Variants in RTKN2 observed in about 807,000 individuals in gnomAD.
The protein encoded by RTKN2 is rhotekin-2.
A neutral mutation model predicts 71.5 loss-of-function variants in RTKN2; 69 were observed. That is an observed-to-expected ratio of 0.96 (90% CI 0.79 to 1.18). The LOEUF (loss-of-function observed/expected upper bound fraction) is 1.18. Ranked by LOEUF, RTKN2 falls within the 50% of genes most tolerant of loss-of-function variation. The probability of loss-of-function intolerance (pLI) is 0.00; values close to 1 mark genes in which losing one functional copy is unlikely to be tolerated. For synonymous variants in RTKN2, 236 were observed against 236.5 expected (o/e 1.00, Z 0.02); for missense variants, 724 against 719.7 (o/e 1.01, Z -0.07).
chr10:62,240,394 G>C (rs1239504169), intron 4 of RTKN2, among the ~76,000 whole-genome samples: 1 of 152,116 alleles, frequency 6.6e-6, no homozygotes, highest in Non-Finnish European at 1.5e-5. Context: ...TAGCTCTTCA[G>C]AAAAACTTAC....
At position 62,195,287 on chromosome 10, in the gene RTKN2, CAAATT is replaced by C; in HGVS notation, c.*2616_*2620del. 1 of 984,918 alleles carries C rather than the reference CAAATT, an allele frequency of 1.0e-6. No individual in the cohort carries two copies. Among genetic ancestry groups the C allele is most frequent in the Non-Finnish European group, 1.2e-6 (1 of 829,638 alleles). The allele number at this position is 984,918 out of a possible 1,614,324, so 61.0% of individuals were successfully genotyped here. Reference sequence around the variant, plus strand: ...TTTATAGTCTTCATATATCAAGAAACAAATTAAAAGGACAAACAAGGAATGTGAAA... The same window carrying C: ...TTTATAGTCTTCATATATCAAGAAACAAAAGGACAAACAAGGAATGTGAAA... On this transcript the variant is annotated 3_prime_UTR_variant, in exon 12 of 12. Coordinates refer to ENST00000373789, the MANE Select transcript of RTKN2 (RefSeq NM_145307.4).
At chr10:62,259,237 C>A (rs1371799919) in intron 2 of RTKN2, 4 of 451,308 alleles carry the variant, frequency 8.9e-6, no homozygotes, top group South Asian at 3.1e-5. Flanking sequence ...GAGGCCTCCC[C>A]AGTCATGTGA....
intron 6 of RTKN2, among the ~76,000 whole-genome samples, chr10:62,228,224 A>G (rs1564514052): frequency 6.6e-6 from 1 of 152,234 alleles, no homozygotes; most frequent in South Asian, 2.1e-4. Context: ...CAAGCACTCC[A>G]TTAAATGAAG....
intron 8 of RTKN2, among the ~76,000 whole-genome samples, chr10:62,217,728 T>C (rs1201150061): frequency 6.6e-6 from 1 of 152,234 alleles, no homozygotes; most frequent in East Asian, 1.9e-4. Flanking sequence ...GAAAAAGCTA[T>C]TGATTCATTG....
intron 11 of RTKN2, among the ~76,000 whole-genome samples, chr10:62,199,107 C>T (rs1488636847): frequency 1.3e-5 from 2 of 152,108 alleles, no homozygotes; most frequent in East Asian, 3.9e-4. Flanking sequence ...ATGTGTGAAC[C>T]CAAATGTATC....
rs768227223 is a variant in RTKN2 at position 62,262,814 on chromosome 10, T to C, written c.68A>G (p.Asn23Ser). ...TTCTAAGTCTATTTTTTCTTGAATG[T>C]TGCAGTCCTAAAAAAAAAATGCATC... ...LAGLPTQQDCNIQEKIDLEIR... is the reference protein window; with the variant it reads ...LAGLPTQQDCSIQEKIDLEIR... Residue 23 changes from asparagine (N) to serine (S), a missense_variant, in exon 2 of 12, where the codon AAC becomes AGC. Asn to Ser is a conservative substitution (Grantham distance 46, BLOSUM62 1). Transcript: ENST00000373789. The C allele has an allele frequency of 7.5e-6, 12 of 1,601,296 alleles. No homozygotes were observed. The South Asian group carries it at 1.1e-4, about 15-fold the overall frequency.
At chr10:62,240,061 T>C (rs1199328122) in intron 4 of RTKN2, among the ~76,000 whole-genome samples, 2 of 152,040 alleles carry the variant, frequency 1.3e-5, no homozygotes, top group African/African-American at 2.4e-5. Context: ...TAAGCTTTAA[T>C]TAATAGTAAA....
chr10:62,204,952 A>G lies in RTKN2; in HGVS notation c.1091T>C (p.Val364Ala). Residue 364 changes from valine to alanine, a missense_variant, in exon 10 of 12, where the codon GTT (valine) becomes GCT (alanine). Val to Ala is a moderately conservative substitution (Grantham distance 64). Transcript: ENST00000373789. ...RIHNFSVINP[V>A]PGQAITQIFA... is the part of the protein sequence containing the mutation. ...AATCTGAGTTATAGCTTGTCCAGGA[A>G]CAGGATTGATGACAGAGAAATTATG... 1 of 1,603,886 alleles carries G rather than the reference A, an allele frequency of 6.2e-7. No individual in the cohort carries two copies. The highest frequency in any genetic ancestry group is 1.1e-5 in the South Asian group (1 of 88,204).
chr10:62,220,899 C>T (rs944177585), intron 7 of RTKN2, among the ~76,000 whole-genome samples: 12 of 151,578 alleles, frequency 7.9e-5, no homozygotes, highest in Non-Finnish European at 2.9e-5. Context: ...CAATATTCAA[C>T]AAGAAAAAAT....
Position 62,199,785 on chromosome 10 carries a change from T to A in RTKN2, c.1263A>T (p.Thr421=), listed in dbSNP as rs1422735589. The part of the protein sequence containing the change: ...MSPRKPPLFL[T]KEATSVYHDM... ...CATGGTAGACTGAGGTTGCCTCTTT[T>A]GTCAAGAACAAAGGTGGTTTCCGTG... The change falls in exon 11 of 12, where the codon ACA becomes ACT. Residue 421 remains threonine (T), a synonymous_variant. Coordinates refer to ENST00000373789, the MANE Select transcript of RTKN2 (RefSeq NM_145307.4). 2 of 1,613,314 alleles carry A rather than the reference T, an allele frequency of 1.2e-6. No individual in the cohort carries two copies. The highest frequency in any genetic ancestry group is 3.3e-5 in the Admixed American group (2 of 59,976).
intron 3 of RTKN2, among the ~76,000 whole-genome samples, chr10:62,241,581 T>C (rs1842375392): frequency 6.6e-6 from 1 of 152,196 alleles, no homozygotes. Flanking sequence ...CATACTATTT[T>C]TCTTTTTTTT....
At chr10:62,260,775 G>A (rs1006673810) in intron 2 of RTKN2, among the ~76,000 whole-genome samples, 1 of 152,096 alleles carries the variant, frequency 6.6e-6, no homozygotes, top group Non-Finnish European at 1.5e-5. Context: ...AATATTTAAA[G>A]AGCATTAAAT....
Position 62,194,367 on chromosome 10 carries a change from C to T in RTKN2, c.*3541G>A, listed in dbSNP as rs552598541. On this transcript the variant is annotated 3_prime_UTR_variant, in exon 12 of 12. Transcript: ENST00000373789. ...ATGTAAACATTTAAAAATAGTGATGCCTTTGAAATGTAAGGGGAAAATGTC... is the reference window on the plus strand; with the variant it reads ...ATGTAAACATTTAAAAATAGTGATGTCTTTGAAATGTAAGGGGAAAATGTC... The T allele has an allele frequency of 2.0e-6, 2 of 984,266 alleles. No individual in the cohort carries two copies. Among genetic ancestry groups the T allele is most frequent in the East Asian group, 1.1e-4 (1 of 8,808 alleles). The allele number at this position is 984,266 out of a possible 1,614,324, so 61.0% of individuals were successfully genotyped here. A position where few individuals can be genotyped will look rare whatever the true frequency, so the allele number is the denominator to read the frequency against.
intron 6 of RTKN2, among the ~76,000 whole-genome samples, chr10:62,229,310 A>G (rs1472204207): frequency 6.6e-6 from 1 of 152,228 alleles, no homozygotes; most frequent in East Asian, 1.9e-4. Context: ...TACAGAGGAC[A>G]TGCAATTACT....
At position 62,262,957 on chromosome 10, in the gene RTKN2, A is replaced by T. The variant is rs543684999; in HGVS notation, c.61-136T>A. ...AAGTTTTAATATATGTAGTGTAAAA[A>T]TAGCTATTTTAAAATGCTCTTTGCA... On this transcript the variant is annotated intron_variant, in intron 1 of 11. Transcript: ENST00000373789. The T allele has an allele frequency of 1.1e-4, 58 of 532,988 alleles. No individual in the cohort carries two copies. The Admixed American group carries it at 2.0e-3, about 18-fold the overall frequency. 33.0% of individuals were successfully genotyped at this position (532,988 alleles called of 1,614,324 possible). A position where few individuals can be genotyped will look rare whatever the true frequency, so the allele number is the denominator to read the frequency against.
intron 8 of RTKN2, among the ~76,000 whole-genome samples, chr10:62,185,280 A>G (rs1043548439): frequency 6.6e-6 from 1 of 152,022 alleles, no homozygotes; most frequent in Non-Finnish European, 1.5e-5. Context: ...GTCCCAAACT[A>G]AGGAATATTG....
intron 10 of RTKN2, among the ~76,000 whole-genome samples, chr10:62,200,155 G>A (rs1041165270): frequency 1.3e-5 from 2 of 152,012 alleles, no homozygotes; most frequent in Non-Finnish European, 2.9e-5. Flanking sequence ...CCTGAGGTCA[G>A]GAGTCTTGAC....
At chr10:62,219,644 G>T (rs901867803) in intron 7 of RTKN2, among the ~76,000 whole-genome samples, 3 of 151,502 alleles carry the variant, frequency 2.0e-5, no homozygotes, top group Non-Finnish European at 4.4e-5. Context: ...ATTTTTTTGA[G>T]AAAAAAAAGA....
chr10:62,244,000 A>G (rs1842431582), intron 3 of RTKN2, among the ~76,000 whole-genome samples: 1 of 152,222 alleles, frequency 6.6e-6, no homozygotes, highest in Admixed American at 6.5e-5. Context: ...TTTGATGTTC[A>G]GCAGAAATAA....
Sources: gnomAD v4.1 joint callset for allele counts (sites outside exome capture counted in the v4.1 genomes callset) on GRCh38, gnomAD v4.1.1 for gene constraint, MANE v1.5 for transcripts, NCBI Gene and HGNC (gene_info 2026-07-23, HGNC 2026-07-21) for gene names.